VWF: variants seen among roughly 807,000 people sequenced by gnomAD.
The protein encoded by VWF is Factor VIII related antigen.
VWF carries 176 observed loss-of-function variants against 308.6 expected under a neutral mutation model. That is an observed-to-expected ratio of 0.57 (90% confidence interval 0.50 to 0.65). The LOEUF (loss-of-function observed/expected upper bound fraction) is 0.65. Among genes scored for constraint, VWF ranks in the 30% least tolerant of loss-of-function variants. The pLI, the probability that VWF is intolerant of heterozygous loss-of-function variation, is 0.00. For synonymous variants in VWF, 1,385 were observed against 1,443.4 expected (o/e 0.96, Z 0.92); for missense variants, 3,146 against 3,648.2 (o/e 0.86, Z 3.55).
At chr12:6,014,909 C>T (rs556824481) in intron 31 of VWF, among the ~76,000 whole-genome samples, 1 of 152,328 alleles carries the variant, frequency 6.6e-6, no homozygotes, top group East Asian at 1.9e-4. Flanking sequence ...TGCTTCAAGA[C>T]CACAACTGCT....
chr12:6,037,620 G>A (rs1248307832), intron 18 of VWF, among the ~76,000 whole-genome samples: 1 of 152,198 alleles, frequency 6.6e-6, no homozygotes, highest in East Asian at 1.9e-4. Flanking sequence ...GACTCCAAGG[G>A]GCAGCCCTGG....
intron 5 of VWF, among the ~76,000 whole-genome samples, chr12:6,097,126 T>A (rs557931518): frequency 6.6e-6 from 1 of 152,174 alleles, no homozygotes; most frequent in South Asian, 2.1e-4. Context: ...CTAAATGCAA[T>A]CACCTGTATC....
intron 5 of VWF, among the ~76,000 whole-genome samples, chr12:6,105,539 TAC>T (rs1186876626): frequency 6.6e-6 from 1 of 152,192 alleles, no homozygotes; most frequent in Non-Finnish European, 1.5e-5. Flanking sequence ...CCCGGCCTTA[TAC>T]AAATTTTTAA....
At position 6,060,874 on chromosome 12, in the gene VWF, C is replaced by CA. The variant is rs1203715662; in HGVS notation, c.1533+2079dup. ...GGGGAGAAAGTGCATGGGTGGAGAG[C>CA]ACCCTCTCTGTGAGGTGGGAAGATG... On this transcript the variant is annotated intron_variant, in intron 13 of 51. Coordinates refer to ENST00000261405, the MANE Select transcript of VWF (RefSeq NM_000552.5). The surrounding 1 kb of genome is among the most constrained non-coding windows in gnomAD (Gnocchi z 5.1). 6.6e-5 allele frequency among the ~76,000 whole-genome samples: 10 copies of CA among 152,142 alleles called. No homozygotes were observed. In the East Asian group the frequency reaches 1.9e-3, roughly 29 times the overall value.
At position 6,073,475 on chromosome 12, in the gene VWF, G is replaced by T. The variant is rs530305891; in HGVS notation, c.997+144C>A. Reference sequence around the variant, plus strand: ...TAAAGACCAGCTCAATCCTGATCACGCTGGACAAAGACATTTAAAAACTTA... The same window carrying T: ...TAAAGACCAGCTCAATCCTGATCACTCTGGACAAAGACATTTAAAAACTTA... On this transcript the variant is annotated intron_variant, in intron 8 of 51. Coordinates refer to ENST00000261405, the MANE Select transcript of VWF (RefSeq NM_000552.5). The T allele has an allele frequency of 3.5e-6, 4 of 1,157,118 alleles. No homozygotes were observed. The Admixed American group carries it at 5.6e-5, about 16-fold the overall frequency. 71.7% of individuals were successfully genotyped at this position (1,157,118 alleles called of 1,614,324 possible).
intron 44 of VWF, 114 bp downstream of exon 44, chr12:5,971,485 G>T: frequency 2.3e-6 from 2 of 858,380 alleles, no homozygotes; most frequent in Non-Finnish European, 1.9e-6. Context: ...ACAGCTGGGT[G>T]AAATGCCCAG....
At chr12:6,025,819 C>T in intron 23 of VWF, 87 bp downstream of exon 23, 1 of 1,609,042 alleles carries the variant, frequency 6.2e-7, no homozygotes, top group Non-Finnish European at 8.5e-7. Flanking sequence ...CCCACAACCC[C>T]CCTTCCAGCC....
At chr12:6,047,823 G>A (rs1221310391) in intron 16 of VWF, among the ~76,000 whole-genome samples, 1 of 152,208 alleles carries the variant, frequency 6.6e-6, no homozygotes, top group East Asian at 1.9e-4. Context: ...TACCCACTCA[G>A]TGTCCCAGTG....
At chr12:6,083,625 T>C (rs1254282415) in intron 6 of VWF, among the ~76,000 whole-genome samples, 4 of 152,148 alleles carry the variant, frequency 2.6e-5, no homozygotes, top group Non-Finnish European at 4.4e-5. Context: ...TCCCTACCTG[T>C]GAAAGAGGGG....
chr12:5,981,850 C>T lies in VWF; in HGVS notation c.7223G>A (p.Gly2408Glu). The change falls in exon 42 of 52, where the codon GGG (glycine) becomes GAG (glutamate). Residue 2408 changes from glycine (G) to glutamate (E), a missense_variant. Physicochemically the swap from Gly to Glu is moderately conservative, Grantham distance 98 (BLOSUM62 -2). Coordinates refer to ENST00000261405, the MANE Select transcript of VWF (RefSeq NM_000552.5). ...CVNSTVSCPL[G>E]YLASTATNDC... ...ATTGGTGGCAGTTGAGGCCAAGTACCCAAGGGGACAGCTCACTGTGGAGTT... is the reference window on the plus strand; with the variant it reads ...ATTGGTGGCAGTTGAGGCCAAGTACTCAAGGGGACAGCTCACTGTGGAGTT... The T allele has an allele frequency of 1.2e-6, 2 of 1,613,948 alleles. No individual in the cohort carries two copies. The highest frequency in any genetic ancestry group is 1.7e-6 in the Non-Finnish European group (2 of 1,179,990).
intron 6 of VWF, among the ~76,000 whole-genome samples, chr12:6,085,909 A>T (rs1396738161): frequency 6.6e-6 from 1 of 152,132 alleles, no homozygotes. Context: ...TTAAAAAAAA[A>T]TTTTTAAAGG....
intron 38 of VWF, among the ~76,000 whole-genome samples, chr12:5,989,889 C>T (rs933731987): frequency 3.9e-5 from 6 of 152,176 alleles, no homozygotes; most frequent in Admixed American, 2.0e-4. Context: ...CTAGTAAAAC[C>T]GGTCTGAAAT....
intron 48 of VWF, among the ~76,000 whole-genome samples, chr12:5,953,132 C>G (rs936238164): frequency 6.6e-6 from 1 of 152,066 alleles, no homozygotes; most frequent in Non-Finnish European, 1.5e-5. Context: ...GAGGCTGAGA[C>G]AGGGAAATCG....
At chr12:6,115,400 G>T (rs1331727469) in intron 3 of VWF, among the ~76,000 whole-genome samples, 1 of 152,138 alleles carries the variant, frequency 6.6e-6, no homozygotes, top group Non-Finnish European at 1.5e-5. Context: ...TACTATGGCA[G>T]CAGGAAGAAT....
chr12:6,065,123 C>T lies in VWF; in HGVS notation c.1293+14G>A. On this transcript the variant is annotated intron_variant, in intron 11 of 51. Coordinates refer to ENST00000261405, the MANE Select transcript of VWF (RefSeq NM_000552.5). Reference sequence around the variant, plus strand: ...GGCTACCACCCGACCAGCAGCCGGGCTGGCAAAGCTCACCTGGACAGTCTC... The same window carrying T: ...GGCTACCACCCGACCAGCAGCCGGGTTGGCAAAGCTCACCTGGACAGTCTC... The T allele has an allele frequency of 6.2e-7, 1 of 1,614,166 alleles. No individual in the cohort carries two copies. The highest frequency in any genetic ancestry group is 1.1e-5 in the South Asian group (1 of 91,082).
intron 27 of VWF, 118 bp downstream of exon 27, chr12:6,021,782 T>A: frequency 8.5e-7 from 1 of 1,172,212 alleles, no homozygotes; most frequent in Non-Finnish European, 1.3e-6. Context: ...ACAAATAAAA[T>A]AAACTCAGTC....
chr12:6,106,727 T>A (rs916520125), intron 5 of VWF, among the ~76,000 whole-genome samples: 8 of 151,916 alleles, frequency 5.3e-5, no homozygotes, highest in Middle Eastern at 3.4e-3. Context: ...ATACAAAAAT[T>A]AGCTGGACAT....
intron 17 of VWF, 54 bp from the exon 18 acceptor site, chr12:6,044,505 CT>C: frequency 6.3e-7 from 1 of 1,584,980 alleles, no homozygotes; most frequent in Non-Finnish European, 8.6e-7. Context: ...ATGGACCTAC[CT>C]TCCACACTGT....
intron 46 of VWF, among the ~76,000 whole-genome samples, chr12:5,967,840 TA>T (rs1436390632): frequency 6.6e-6 from 1 of 152,088 alleles, no homozygotes; most frequent in Non-Finnish European, 1.5e-5. Context: ...GGGGACAAAC[TA>T]AAACGTGCAC....
Sources: allele counts gnomAD v4.1 joint callset (sites outside exome capture counted in the v4.1 genomes callset), GRCh38; gene constraint gnomAD v4.1.1; non-coding constraint Gnocchi (gnomAD v3.1); transcripts MANE v1.5; gene names NCBI Gene and HGNC (gene_info 2026-07-23, HGNC 2026-07-21).